SLC36A1: variants seen among roughly 807,000 people sequenced by gnomAD.
SLC36A1 encodes the protein solute carrier family 36 member 1, also known as proton-coupled amino acid transporter 1.
In SLC36A1, 30 loss-of-function variants were observed where a neutral mutation model predicts 47.5. The observed-to-expected ratio is 0.63, with a 90% CI of 0.47 to 0.86. The LOEUF is 0.86. SLC36A1 is among the 40% of genes least tolerant of loss of function. The pLI, the probability that SLC36A1 is intolerant of heterozygous loss-of-function variation, is 0.00. For synonymous variants in SLC36A1, 255 were observed against 249.7 expected (o/e 1.02, Z -0.20); for missense variants, 517 against 606.0 (o/e 0.85, Z 1.54).
At chr5:151,435,873 C>T (rs1759744983), upstream of SLC36A1, among the ~76,000 whole-genome samples, 1 of 151,292 alleles carries the variant, frequency 6.6e-6, no homozygotes, top group African/African-American at 2.4e-5. Flanking sequence ...TTGAAAATAT[C>T]AAAATAATAT....
At chr5:151,403,507 T>A in the SLC36A1 span, among the ~76,000 whole-genome samples, 1 of 152,180 alleles carries the variant, frequency 6.6e-6, no homozygotes, top group Non-Finnish European at 1.5e-5. Context: ...GCTCTTTCCG[T>A]GTGACCTGCC....
intron 9 of SLC36A1, chr5:151,477,021 C>T (rs142203765): frequency 1.9e-5 from 11 of 580,288 alleles, no homozygotes; most frequent in Admixed American, 4.4e-5. Flanking sequence ...TCAGAAGGAC[C>T]GAGTATCTAG....
the SLC36A1 span, chr5:151,549,370 T>C: frequency 1.2e-6 from 2 of 1,614,060 alleles, no homozygotes; most frequent in East Asian, 4.5e-5. Flanking sequence ...AGCAGCTCTG[T>C]GCCGGGGGCT....
the SLC36A1 span, among the ~76,000 whole-genome samples, chr5:151,431,870 G>T: frequency 3.9e-5 from 6 of 152,200 alleles, no homozygotes; most frequent in Non-Finnish European, 5.9e-5. Context: ...AGCAAGAATA[G>T]CTTTGGCATG....
At position 151,439,652 on chromosome 5, in the gene SLC36A1, C is replaced by G. The variant is rs184536028; in HGVS notation, c.-6+2473C>G. Among the ~76,000 whole-genome samples the G allele has an allele frequency of 6.8e-4, 70 of 103,558 alleles. No homozygotes were observed. The East Asian group carries it at 0.014, about 21-fold the overall frequency. The allele number at this position is 103,558 out of a possible 152,430, so 67.9% of individuals were successfully genotyped here. On this transcript the variant is annotated intron_variant, in intron 1 of 8. Coordinates refer to the SLC36A1 transcript ENST00000429484. Reference sequence around the variant, plus strand: ...AGGGCAACAGAGTGAGACTCCATCTCAAAAAAAAAAGAAAAGAAAAAAAAA... The same window carrying G: ...AGGGCAACAGAGTGAGACTCCATCTGAAAAAAAAAAGAAAAGAAAAAAAAA...
At chr5:151,462,610 G>A (rs1216335429) in intron 2 of SLC36A1, among the ~76,000 whole-genome samples, 9 of 151,484 alleles carry the variant, frequency 5.9e-5, no homozygotes, top group East Asian at 1.9e-4. Flanking sequence ...TGATCTGCCC[G>A]CCTTGGCCTC....
chr5:151,346,767 G>A, the SLC36A1 span, among the ~76,000 whole-genome samples: 327 of 152,194 alleles, frequency 2.1e-3, no homozygotes, highest in African/African-American at 7.3e-3. Flanking sequence ...CCTGGAAAGT[G>A]GAAAAAACTA....
intron 1 of SLC36A1, among the ~76,000 whole-genome samples, chr5:151,438,850 C>T (rs1002941327): frequency 5.3e-5 from 8 of 152,168 alleles, no homozygotes; most frequent in Non-Finnish European, 1.5e-5. Context: ...CCTCAGAGTG[C>T]ATGCATCTAT....
chr5:151,446,759 A>C (rs1752948046), upstream of SLC36A1, among the ~76,000 whole-genome samples: 1 of 152,224 alleles, frequency 6.6e-6, no homozygotes, highest in Admixed American at 6.5e-5. Context: ...TTGAATGGAA[A>C]GTTCTGTATA....
the SLC36A1 span, among the ~76,000 whole-genome samples, chr5:151,394,763 G>A: frequency 4.6e-5 from 7 of 152,222 alleles, no homozygotes; most frequent in Admixed American, 1.3e-4. Flanking sequence ...TCCTCTGGAA[G>A]CTTCGTCTCA....
At chr5:151,512,234 G>A in the SLC36A1 span, 12 of 1,614,094 alleles carry the variant, frequency 7.4e-6, no homozygotes, top group Non-Finnish European at 1.0e-5. This position sits in a 1 kb window ranked among gnomAD's most constrained non-coding sequence, Gnocchi z 4.1. Context: ...TCACTGTGGA[G>A]GCAGCACTGG....
intron 7 of SLC36A1, among the ~76,000 whole-genome samples, chr5:151,472,710 C>G (rs1382932919): frequency 6.6e-6 from 1 of 152,136 alleles, no homozygotes; most frequent in Admixed American, 6.5e-5. Flanking sequence ...AGGAAGAGAA[C>G]CAATATAAAA....
At chr5:151,354,991 T>A in the SLC36A1 span, among the ~76,000 whole-genome samples, 1 of 152,134 alleles carries the variant, frequency 6.6e-6, no homozygotes, top group East Asian at 1.9e-4. Context: ...AGAGCTATAA[T>A]GCAAGGGAGA....
At chr5:151,496,712 C>T (rs1045366793), downstream of SLC36A1, among the ~76,000 whole-genome samples, 19 of 152,286 alleles carry the variant, frequency 1.2e-4, no homozygotes, top group South Asian at 1.2e-3. Flanking sequence ...CATGCCACCA[C>T]GCCTAGCTGA....
At chr5:151,359,447 G>T in the SLC36A1 span, among the ~76,000 whole-genome samples, 1 of 152,132 alleles carries the variant, frequency 6.6e-6, no homozygotes, top group South Asian at 2.1e-4. Flanking sequence ...AAGATTTTCA[G>T]CTAGCAAATA....
chr5:151,513,563 G>A, the SLC36A1 span, among the ~76,000 whole-genome samples: 1 of 152,174 alleles, frequency 6.6e-6, no homozygotes, highest in African/African-American at 2.4e-5. Context: ...GGGACGCAAA[G>A]AAGGGAACAA....
intron 1 of SLC36A1, chr5:151,452,492 G>A (rs1385867906): frequency 6.6e-6 from 1 of 152,232 alleles, no homozygotes; most frequent in East Asian, 1.9e-4. Context: ...CTGGTAGGAG[G>A]TGAGGCCTAG....
At chr5:151,460,149 C>T (rs1157414362) in intron 2 of SLC36A1, among the ~76,000 whole-genome samples, 4 of 152,196 alleles carry the variant, frequency 2.6e-5, no homozygotes, top group Non-Finnish European at 5.9e-5. Flanking sequence ...ATTGGCAGCC[C>T]CCATGCAGAA....
intron 10 of SLC36A1, among the ~76,000 whole-genome samples, chr5:151,482,119 T>G (rs1758879937): frequency 6.6e-6 from 1 of 152,232 alleles, no homozygotes; most frequent in Admixed American, 6.5e-5. Context: ...AATGCAGAGC[T>G]GCAAAACATT....
Sources: allele counts gnomAD v4.1 joint callset (sites outside exome capture counted in the v4.1 genomes callset), GRCh38; gene constraint gnomAD v4.1.1; non-coding constraint Gnocchi (gnomAD v3.1); transcripts MANE v1.5; gene names NCBI Gene and HGNC (gene_info 2026-07-23, HGNC 2026-07-21).